The following SDK1 variants were observed in gnomAD, a reference collection of about 807,000 sequenced individuals.
SDK1 encodes protein sidekick-1.
In SDK1, 157 loss-of-function variants were observed where a neutral mutation model predicts 245.5. The ratio of observed to expected loss-of-function variants is 0.64; its 90% CI spans 0.56 to 0.73. SDK1 has a LOEUF of 0.73. Ranked by LOEUF, SDK1 falls within the 30% of genes least tolerant of loss-of-function variation. SDK1 has a pLI of 0.00. For missense variants in SDK1, 3,583 were observed against 3,002.3 expected (o/e 1.19, Z -4.52); for synonymous variants, 1,647 against 1,278.5 (o/e 1.29, Z -6.15).
intron 4 of SDK1, among the ~76,000 whole-genome samples, chr7:3,788,452 C>T (rs1290630306): frequency 6.6e-6 from 1 of 152,090 alleles, no homozygotes; most frequent in Non-Finnish European, 1.5e-5. Flanking sequence ...GTGATATCTA[C>T]CACCCAGTCT....
intron 25 of SDK1, among the ~76,000 whole-genome samples, chr7:4,126,257 T>C (rs927331905): frequency 6.6e-6 from 1 of 152,204 alleles, no homozygotes; most frequent in Non-Finnish European, 1.5e-5. Flanking sequence ...TTTAAATCGG[T>C]CCACAAGAAA....
chr7:3,745,955 C>G (rs949723666), intron 4 of SDK1, among the ~76,000 whole-genome samples: 8 of 152,204 alleles, frequency 5.3e-5, no homozygotes, highest in Admixed American at 2.0e-4. Flanking sequence ...CCACCACAGA[C>G]TAGCTGTCAG....
At chr7:3,884,326 C>G (rs985049905) in intron 5 of SDK1, among the ~76,000 whole-genome samples, 6 of 152,020 alleles carry the variant, frequency 3.9e-5, no homozygotes, top group African/African-American at 1.4e-4. Flanking sequence ...GGGCCTCTTG[C>G]GTTTGAAAGC....
In SDK1 at chr7:3,328,525, A is replaced by T. The variant is rs545636798; in HGVS notation, c.298+26641A>T. ...TCTAAAATATTTACTTATATATATA[A>T]AAAAACTTGGTTAAAATCAAACAGC... On this transcript the variant is annotated intron_variant, in intron 1 of 44. Coordinates refer to ENST00000404826, the MANE Select transcript of SDK1 (RefSeq NM_152744.4). Among the ~76,000 whole-genome samples, 208 of 152,202 alleles carry T rather than the reference A, an allele frequency of 1.4e-3. 4 individuals carry two copies. The highest frequency in any genetic ancestry group is 4.8e-3 in the African/African-American group (198 of 41,542).
chr7:4,022,811 T>TG (rs1787017877), intron 17 of SDK1, among the ~76,000 whole-genome samples: 1 of 150,346 alleles, frequency 6.7e-6, no homozygotes, highest in Non-Finnish European at 1.5e-5. Flanking sequence ...TCTTGCTCTG[T>TG]CTCCCAGGCT....
chr7:3,542,779 C>T (rs1400038792), intron 1 of SDK1, among the ~76,000 whole-genome samples: 1 of 152,052 alleles, frequency 6.6e-6, no homozygotes, highest in East Asian at 1.9e-4. Context: ...AAAGAAGGTA[C>T]AGAGCTCTAA....
intron 35 of SDK1, 82 bp from the exon 36 acceptor site, chr7:4,205,797 G>A (rs1784182832): frequency 1.1e-5 from 12 of 1,116,256 alleles, no homozygotes; most frequent in South Asian, 8.1e-5. Context: ...GGGCATGCTC[G>A]AGCCCCATGG....
chr7:3,853,380 C>T (rs956113394), intron 5 of SDK1, among the ~76,000 whole-genome samples: 7 of 152,040 alleles, frequency 4.6e-5, no homozygotes, highest in African/African-American at 1.4e-4. Flanking sequence ...TGTCACAATC[C>T]AATCTGGCCT....
chr7:3,800,764 C>T (rs1487926166), intron 4 of SDK1, among the ~76,000 whole-genome samples: 1 of 152,020 alleles, frequency 6.6e-6, no homozygotes, highest in African/African-American at 2.4e-5. Flanking sequence ...CCTAAATATA[C>T]ACACACCCAA....
intron 4 of SDK1, among the ~76,000 whole-genome samples, chr7:3,741,748 T>A (rs534666891): frequency 3.3e-5 from 5 of 152,304 alleles, no homozygotes; most frequent in African/African-American, 1.2e-4. Context: ...CTTGATTGTT[T>A]CAGTTTCACT....
intron 1 of SDK1, among the ~76,000 whole-genome samples, chr7:3,523,982 T>C (rs1363348697): frequency 6.6e-6 from 1 of 152,190 alleles, no homozygotes; most frequent in Non-Finnish European, 1.5e-5. Context: ...GATCCTGGCC[T>C]GTGATTCCAT....
intron 35 of SDK1, among the ~76,000 whole-genome samples, chr7:4,181,693 G>C (rs1782612386): frequency 6.6e-6 from 1 of 152,150 alleles, no homozygotes; most frequent in Admixed American, 6.5e-5. Context: ...TGCACCCTTT[G>C]CAGTCCCACA....
chr7:3,629,760 G>C (rs930240755), intron 2 of SDK1, among the ~76,000 whole-genome samples: 1 of 152,200 alleles, frequency 6.6e-6, no homozygotes, highest in African/African-American at 2.4e-5. Context: ...AAAATTCACA[G>C]TGTCTAGAAT....
At chr7:3,873,732 A>G (rs945768838) in intron 5 of SDK1, among the ~76,000 whole-genome samples, 2 of 152,184 alleles carry the variant, frequency 1.3e-5, no homozygotes, top group African/African-American at 4.8e-5. Flanking sequence ...TGAGCCCATC[A>G]AAAGCATTTT....
chr7:3,928,022 A>C (rs1779836874), intron 5 of SDK1, among the ~76,000 whole-genome samples: 1 of 152,232 alleles, frequency 6.6e-6, no homozygotes, highest in Non-Finnish European at 1.5e-5. Context: ...GAGGAAAAAC[A>C]CTAGGAAATT....
At position 4,090,856 on chromosome 7, in the gene SDK1, C is replaced by T. The variant is rs181469885; in HGVS notation, c.3324+11272C>T. Among the ~76,000 whole-genome samples the T allele has an allele frequency of 3.9e-5, 6 of 151,958 alleles. No homozygotes were observed. In the East Asian group the frequency reaches 1.2e-3, roughly 29 times the overall value. On this transcript the variant is annotated intron_variant, in intron 22 of 44. Transcript: ENST00000404826. ...TGAAAAGCATTATTTCACACTATCACCTCCAAATACAATGCAAAACCCTCA... is the reference window on the plus strand; with the variant it reads ...TGAAAAGCATTATTTCACACTATCATCTCCAAATACAATGCAAAACCCTCA...
intron 32 of SDK1, among the ~76,000 whole-genome samples, chr7:4,165,649 C>T (rs561493489): frequency 6.6e-6 from 1 of 152,138 alleles, no homozygotes; most frequent in Non-Finnish European, 1.5e-5. Flanking sequence ...ACCACCATAC[C>T]TGGCTAATTT....
intron 38 of SDK1, among the ~76,000 whole-genome samples, chr7:4,215,481 C>T (rs553371774): frequency 2.6e-5 from 4 of 152,368 alleles, no homozygotes; most frequent in Admixed American, 6.5e-5. Context: ...GCCCTTGGAA[C>T]CCAACCACCA....
chr7:3,960,988 C>G (rs1027961847), intron 8 of SDK1, among the ~76,000 whole-genome samples: 3 of 152,176 alleles, frequency 2.0e-5, no homozygotes, highest in African/African-American at 7.2e-5. Context: ...TCCCAGTTCC[C>G]TATGTACTAA....
Sources: allele counts gnomAD v4.1 joint callset (sites outside exome capture counted in the v4.1 genomes callset), GRCh38; gene constraint gnomAD v4.1.1; transcripts MANE v1.5; gene names NCBI Gene and HGNC (gene_info 2026-07-23, HGNC 2026-07-21).